ARHGAP26: variants seen among roughly 807,000 people sequenced by gnomAD.
The protein encoded by ARHGAP26 is rho GTPase-activating protein 26.
Under a neutral mutation model 104.8 loss-of-function variants are expected in ARHGAP26, and 38 were observed. That is an observed-to-expected ratio of 0.36 (90% CI 0.28 to 0.48). The LOEUF is 0.48. ARHGAP26 is among the 20% of genes least tolerant of loss of function. The pLI is 0.99. For synonymous variants in ARHGAP26, 341 were observed against 340.0 expected, an observed-to-expected ratio of 1.00 and a Z score of -0.03; for missense variants, 704 against 947.9, an observed-to-expected ratio of 0.74 and a Z score of 3.38.
At chr5:142,983,825 A>G (rs1344873278) in intron 11 of ARHGAP26, among the ~76,000 whole-genome samples, 5 of 152,230 alleles carry the variant, frequency 3.3e-5, no homozygotes, top group Non-Finnish European at 7.3e-5. Context: ...ATCTATTCAT[A>G]TATAAACAAA....
chr5:142,860,821 A>G (rs965094775), intron 1 of ARHGAP26, among the ~76,000 whole-genome samples: 1 of 152,118 alleles, frequency 6.6e-6, no homozygotes. Flanking sequence ...CACCTTTGTC[A>G]TCTGGAGGGG....
At chr5:142,772,585 C>T (rs1199604058) in intron 1 of ARHGAP26, 3 of 379,830 alleles carry the variant, frequency 7.9e-6, no homozygotes, top group Non-Finnish European at 1.6e-5. Flanking sequence ...ATTCCAGGCA[C>T]TGCTTCACAT....
At chr5:142,812,901 A>C (rs992270481) in intron 1 of ARHGAP26, among the ~76,000 whole-genome samples, 7 of 151,046 alleles carry the variant, frequency 4.6e-5, no homozygotes, top group Admixed American at 1.3e-4. Context: ...GCTTGACTGC[A>C]TGTTAATTCT....
At position 143,227,149 on chromosome 5, in the gene ARHGAP26, A is replaced by C. The variant is rs767270416; in HGVS notation, c.*4703A>C. 174 of 230,116 alleles carry C rather than the reference A, an allele frequency of 7.6e-4. No individual in the cohort carries two copies. Among genetic ancestry groups the C allele is most frequent in the Non-Finnish European group, 1.1e-3 (123 of 116,184 alleles). The allele number at this position is 230,116 out of a possible 1,614,324, so 14.3% of individuals were successfully genotyped here. A position where few individuals can be genotyped will look rare whatever the true frequency, so the allele number is the denominator to read the frequency against. On this transcript the variant is annotated 3_prime_UTR_variant, in exon 23 of 23. Coordinates refer to ENST00000645722, the MANE Select transcript of ARHGAP26 (RefSeq NM_001135608.3). ...GTCTGGATGACTGAGTTTTGTGGAC[A>C]TGGCACTCCCGGAGACAGCAGTGGC... is the stretch of plus-strand genomic sequence containing the variant.
At chr5:142,883,535 T>C (rs1026175044) in intron 4 of ARHGAP26, among the ~76,000 whole-genome samples, 5 of 152,268 alleles carry the variant, frequency 3.3e-5, no homozygotes, top group Non-Finnish European at 7.3e-5. Context: ...AATGGATATA[T>C]GGTTATTCTG....
rs3756395 is a variant in ARHGAP26 at position 142,953,874 on chromosome 5, G to A, written c.1107+21749G>A. On this transcript the variant is annotated intron_variant, in intron 11 of 22. Coordinates refer to ENST00000645722, the MANE Select transcript of ARHGAP26 (RefSeq NM_001135608.3). Reference sequence around the variant, plus strand: ...GCTGTCTCAGTTTGGCACTAAAGAGGACTTCCCACAGAACCTTGGTTGACA... The same window carrying A: ...GCTGTCTCAGTTTGGCACTAAAGAGAACTTCCCACAGAACCTTGGTTGACA... 2.5e-3 allele frequency among the ~76,000 whole-genome samples: 375 copies of A among 152,236 alleles called. 9 individuals are homozygous for A. The East Asian group carries it at 0.041, about 17-fold the overall frequency.
intron 4 of ARHGAP26, among the ~76,000 whole-genome samples, chr5:142,881,328 G>T (rs1275189636): frequency 6.6e-6 from 1 of 152,172 alleles, no homozygotes. Flanking sequence ...GGTTACCATG[G>T]TTACCAAGGA....
intron 10 of ARHGAP26, among the ~76,000 whole-genome samples, chr5:142,926,829 A>G (rs1420859784): frequency 1.3e-5 from 2 of 152,000 alleles, no homozygotes; most frequent in Admixed American, 6.6e-5. Flanking sequence ...CCCCATACTT[A>G]CCATCCTGTT....
intron 20 of ARHGAP26, among the ~76,000 whole-genome samples, chr5:143,152,120 C>T (rs72799982): frequency 0.15 from 23,169 of 151,880 alleles, 2,087 homozygotes; most frequent in Non-Finnish European, 0.21. Flanking sequence ...ATTTTTTTCG[C>T]GGTGAGACTA....
chr5:143,051,649 A>T (rs1365911265), intron 14 of ARHGAP26, among the ~76,000 whole-genome samples: 1 of 152,208 alleles, frequency 6.6e-6, no homozygotes, highest in East Asian at 1.9e-4. Flanking sequence ...AATGAATTAA[A>T]ATGGATGTGC....
intron 22 of ARHGAP26, chr5:143,216,295 A>T (rs752934240): frequency 1.1e-4 from 52 of 470,938 alleles, no homozygotes; most frequent in Non-Finnish European, 2.1e-4. Context: ...ATCTTCTCAC[A>T]TCTGCTCTTG....
intron 11 of ARHGAP26, among the ~76,000 whole-genome samples, chr5:143,003,799 T>C (rs2152792743): frequency 6.6e-6 from 1 of 152,278 alleles, no homozygotes; most frequent in East Asian, 1.9e-4. Flanking sequence ...TTAGCTCTAC[T>C]TTGCAATGAG....
At chr5:142,784,550 T>C (rs909246409) in intron 1 of ARHGAP26, among the ~76,000 whole-genome samples, 1 of 152,206 alleles carries the variant, frequency 6.6e-6, no homozygotes, top group Non-Finnish European at 1.5e-5. Context: ...ATTTGTTTTT[T>C]GATGGTTAAG....
At chr5:143,043,005 AT>A (rs1429972036) in intron 14 of ARHGAP26, among the ~76,000 whole-genome samples, 1 of 152,210 alleles carries the variant, frequency 6.6e-6, no homozygotes, top group Non-Finnish European at 1.5e-5. Flanking sequence ...ATAATTGTAG[AT>A]TTACATTCGG....
chr5:142,892,502 T>C (rs1758807188), intron 5 of ARHGAP26, among the ~76,000 whole-genome samples: 1 of 152,026 alleles, frequency 6.6e-6, no homozygotes, highest in African/African-American at 2.4e-5. Context: ...GATTAAATAA[T>C]TAAAATTAAT....
intron 9 of ARHGAP26, among the ~76,000 whole-genome samples, chr5:142,912,803 A>G (rs1198959809): frequency 6.6e-6 from 1 of 152,162 alleles, no homozygotes. Flanking sequence ...TTCTGGGGAT[A>G]TTTGTTCTGA....
intron 1 of ARHGAP26, among the ~76,000 whole-genome samples, chr5:142,801,756 T>G (rs2151964013): frequency 6.6e-6 from 1 of 151,908 alleles, no homozygotes; most frequent in East Asian, 1.9e-4. Context: ...ACTGTTTTCC[T>G]TGCAAGGAAT....
intron 3 of ARHGAP26, among the ~76,000 whole-genome samples, chr5:142,876,511 C>T (rs967042028): frequency 5.9e-5 from 9 of 152,032 alleles, no homozygotes; most frequent in African/African-American, 1.9e-4. Flanking sequence ...TGTGGTGGCT[C>T]ATGCCTGTAA....
chr5:143,055,595 C>G (rs543072172), intron 15 of ARHGAP26, among the ~76,000 whole-genome samples: 1 of 152,292 alleles, frequency 6.6e-6, no homozygotes, highest in African/African-American at 2.4e-5. Flanking sequence ...GAATTCACCA[C>G]CACAACACCT....
Sources: allele counts gnomAD v4.1 joint callset (sites outside exome capture counted in the v4.1 genomes callset), GRCh38; gene constraint gnomAD v4.1.1; transcripts MANE v1.5; gene names NCBI Gene and HGNC (gene_info 2026-07-23, HGNC 2026-07-21).